The following TLK1 variants were observed in gnomAD, a reference collection of about 807,000 sequenced individuals.
TLK1 encodes tousled like kinase 1, also known as serine/threonine-protein kinase tousled-like 1.
In TLK1, 24 loss-of-function variants were observed where a neutral mutation model predicts 105.3. That is an observed-to-expected ratio of 0.23 (90% CI 0.17 to 0.32). The LOEUF (loss-of-function observed/expected upper bound fraction) is 0.32, where lower values mean the gene tolerates loss of function less well. Ranked by LOEUF, TLK1 falls within the 10% of genes least tolerant of loss-of-function variation. TLK1 has a pLI of 1.00. For missense variants in TLK1, 558 were observed against 910.5 expected, an observed-to-expected ratio of 0.61 and a Z score of 4.98; for synonymous variants, 321 against 310.4, an observed-to-expected ratio of 1.03 and a Z score of -0.36.
At chr2:171,152,561 CTAAG>C (rs548517507) in intron 1 of TLK1, among the ~76,000 whole-genome samples, 110 of 151,764 alleles carry the variant, frequency 7.2e-4, no homozygotes, top group African/African-American at 2.4e-3. Context: ...AGAATTAAAA[CTAAG>C]TATTTTTTTA....
chr2:171,185,258 A>C (rs536613060), intron 1 of TLK1, among the ~76,000 whole-genome samples: 1 of 152,104 alleles, frequency 6.6e-6, no homozygotes, highest in African/African-American at 2.4e-5. Flanking sequence ...CATGTTTCCT[A>C]GCATCTTAAC....
At chr2:171,116,069 T>G (rs1364093363) in intron 2 of TLK1, among the ~76,000 whole-genome samples, 1 of 152,218 alleles carries the variant, frequency 6.6e-6, no homozygotes, top group African/African-American at 2.4e-5. Context: ...TTAATGGTGA[T>G]GCTTATTTCT....
chr2:171,055,620 T>G (rs1687465148), intron 6 of TLK1, among the ~76,000 whole-genome samples: 1 of 152,064 alleles, frequency 6.6e-6, no homozygotes, highest in Admixed American at 6.5e-5. Flanking sequence ...GGTCACTAGT[T>G]CAAAAAGACA....
chr2:171,213,088 T>C (rs181568503), intron 1 of TLK1, among the ~76,000 whole-genome samples: 184 of 152,232 alleles, frequency 1.2e-3, no homozygotes, highest in African/African-American at 4.1e-3. Context: ...AAAAAAATTT[T>C]TTTTTAGAAA....
chr2:171,104,022 C>A (rs769446482), intron 2 of TLK1, among the ~76,000 whole-genome samples: 1 of 152,224 alleles, frequency 6.6e-6, no homozygotes, highest in Non-Finnish European at 1.5e-5. Flanking sequence ...GGAGCAGTGG[C>A]TCACGCCTGT....
At chr2:171,162,516 C>T (rs938555306), upstream of TLK1, among the ~76,000 whole-genome samples, 6 of 152,196 alleles carry the variant, frequency 3.9e-5, no homozygotes, top group African/African-American at 1.4e-4. Context: ...CCAGCCTGGG[C>T]GACAGAGCGA....
chr2:171,057,224 A>T (rs1412052453), intron 5 of TLK1, among the ~76,000 whole-genome samples: 1 of 152,084 alleles, frequency 6.6e-6, no homozygotes, highest in African/African-American at 2.4e-5. Context: ...TTGCTGCAGC[A>T]AAGTTCCTCT....
chr2:171,050,263 C>T (rs1262836647), intron 8 of TLK1, 89 bp from the exon 9 acceptor site: 4 of 808,762 alleles, frequency 4.9e-6, no homozygotes, highest in Non-Finnish European at 3.7e-6. Flanking sequence ...AAATTATATA[C>T]AGATAGGACT....
intron 3 of TLK1, among the ~76,000 whole-genome samples, chr2:171,081,934 G>A (rs1431270918): frequency 6.6e-6 from 1 of 151,920 alleles, no homozygotes; most frequent in African/African-American, 2.4e-5. Context: ...TTATCAAGTT[G>A]ATAGGTCTAT....
intron 3 of TLK1, among the ~76,000 whole-genome samples, chr2:171,067,817 C>T (rs1023287257): frequency 2.6e-5 from 4 of 151,970 alleles, no homozygotes; most frequent in East Asian, 1.9e-4. Flanking sequence ...CGCCCTGCCC[C>T]GTGTCCATGT....
intron 12 of TLK1, among the ~76,000 whole-genome samples, chr2:171,016,612 A>C (rs1057488523): frequency 1.1e-4 from 16 of 152,190 alleles, no homozygotes; most frequent in Non-Finnish European, 1.8e-4. Flanking sequence ...TGATATAAAA[A>C]ATTATTTACC....
chr2:171,136,541 C>T (rs534959513), intron 1 of TLK1, among the ~76,000 whole-genome samples: 22 of 151,924 alleles, frequency 1.4e-4, no homozygotes, highest in African/African-American at 5.3e-4. Flanking sequence ...CAGAGTGAGA[C>T]GCTGTCTCAA....
chr2:170,996,822 T>C (rs1243607999), intron 19 of TLK1, 62 bp from the exon 20 acceptor site: 3 of 1,420,056 alleles, frequency 2.1e-6, no homozygotes, highest in Non-Finnish European at 2.9e-6. Flanking sequence ...ACAGATATCA[T>C]TTCTGTTTAA....
intron 11 of TLK1, among the ~76,000 whole-genome samples, chr2:171,044,676 C>T (rs907334941): frequency 3.9e-5 from 6 of 152,010 alleles, no homozygotes; most frequent in Non-Finnish European, 8.8e-5. Context: ...AATGTGACGG[C>T]CTAGGACATA....
intron 1 of TLK1, chr2:171,155,553 A>G (rs1692199936): frequency 6.6e-6 from 1 of 152,204 alleles, no homozygotes; most frequent in South Asian, 2.1e-4. Context: ...TAGTTTAACT[A>G]TATTTAGGGA....
At chr2:171,211,940 G>T (rs1325586870) in intron 1 of TLK1, among the ~76,000 whole-genome samples, 1 of 151,702 alleles carries the variant, frequency 6.6e-6, no homozygotes, top group Non-Finnish European at 1.5e-5. Flanking sequence ...CTGCCTCCTG[G>T]GTTCAAGCGA....
intron 6 of TLK1, 49 bp downstream of exon 6, chr2:171,056,422 A>G (rs749349529): frequency 2.0e-6 from 3 of 1,490,136 alleles, no homozygotes; most frequent in Admixed American, 1.7e-5. Flanking sequence ...TATTCAGTGT[A>G]CATAACCCTC....
intron 1 of TLK1, among the ~76,000 whole-genome samples, chr2:171,149,025 T>A (rs536190203): frequency 1.3e-5 from 2 of 149,904 alleles, no homozygotes; most frequent in Non-Finnish European, 3.0e-5. Context: ...GTTGTTGGTC[T>A]CATTTCTTGT....
At chr2:171,083,892 T>C (rs1056401932) in intron 2 of TLK1, among the ~76,000 whole-genome samples, 1 of 152,164 alleles carries the variant, frequency 6.6e-6, no homozygotes, top group Non-Finnish European at 1.5e-5. Flanking sequence ...GGCAAGATTA[T>C]CAAATTTGAA....
Sources: gnomAD v4.1 joint callset for allele counts (sites outside exome capture counted in the v4.1 genomes callset) on GRCh38, gnomAD v4.1.1 for gene constraint, MANE v1.5 for transcripts, NCBI Gene and HGNC (gene_info 2026-07-23, HGNC 2026-07-21) for gene names.